The following DLG2 variants were observed in gnomAD, a reference collection of about 807,000 sequenced individuals.
DLG2 encodes the protein discs large MAGUK scaffold protein 2.
In DLG2, 45 loss-of-function variants were observed where a neutral mutation model predicts 132.5. That is an observed-to-expected ratio of 0.34 (90% CI 0.27 to 0.44). The LOEUF (loss-of-function observed/expected upper bound fraction) is 0.44. DLG2 is among the 20% of genes least tolerant of loss of function. The pLI is 1.00. For synonymous variants in DLG2, 424 were observed against 419.6 expected, an observed-to-expected ratio of 1.01 and a Z score of -0.13; for missense variants, 1,045 against 1,196.9, an observed-to-expected ratio of 0.87 and a Z score of 1.87.
In DLG2 at chr11:84,748,831, C is replaced by A. The variant is rs866156442; in HGVS notation, c.358-214100G>T. Among the ~76,000 whole-genome samples, 14 of 152,216 alleles carry A rather than the reference C, an allele frequency of 9.2e-5. No individual in the cohort carries two copies. The South Asian group carries it at 2.9e-3, about 32-fold the overall frequency. ...TGAGAGGTTACACAAAGATTATCTT[C>A]CTTCAGGGAAGCTAGAACAAATTTA... On this transcript the variant is annotated intron_variant, in intron 6 of 27. Transcript: ENST00000376104.
chr11:83,541,878 AG>A lies in DLG2; in HGVS notation c.1941-21del, dbSNP rs1168134562. Reference sequence around the variant, plus strand: ...ATGGCTCTGGAGGAAAGGACAAAAGAGGACATTGTTAGGAATCTCTGGCAGC... The same window carrying A: ...ATGGCTCTGGAGGAAAGGACAAAAGAGACATTGTTAGGAATCTCTGGCAGC... On this transcript the variant is annotated intron_variant, in intron 19 of 27. Coordinates refer to ENST00000376104, the MANE Select transcript of DLG2 (RefSeq NM_001142699.3). 1 of 1,573,576 alleles carries A rather than the reference AG, an allele frequency of 6.4e-7. No individual in the cohort carries two copies. Among genetic ancestry groups the A allele is most frequent in the South Asian group, 1.2e-5 (1 of 84,944 alleles).
At chr11:84,888,140 G>A (rs2088654669) in intron 6 of DLG2, among the ~76,000 whole-genome samples, 1 of 152,032 alleles carries the variant, frequency 6.6e-6, no homozygotes, top group African/African-American at 2.4e-5. Context: ...TATTTTACAT[G>A]TCAACTTGGC....
At chr11:85,001,996 C>CT (rs1354141223) in intron 6 of DLG2, among the ~76,000 whole-genome samples, 1 of 152,134 alleles carries the variant, frequency 6.6e-6, no homozygotes, top group Non-Finnish European at 1.5e-5. Context: ...TGCTGATATC[C>CT]TTTGCCCCAC....
chr11:83,925,280 G>A (rs551630026), intron 15 of DLG2, among the ~76,000 whole-genome samples: 2 of 152,092 alleles, frequency 1.3e-5, no homozygotes, highest in Non-Finnish European at 2.9e-5. Context: ...TTGCTTCTGT[G>A]TACAGGCTAT....
chr11:85,160,481 T>C (rs1034274314), intron 4 of DLG2, among the ~76,000 whole-genome samples: 3 of 152,220 alleles, frequency 2.0e-5, no homozygotes, highest in African/African-American at 4.8e-5. Flanking sequence ...TGGCCTGTTA[T>C]TGGGCTTTAG....
intron 6 of DLG2, among the ~76,000 whole-genome samples, chr11:84,535,965 A>ATATATATATATAT (rs1209865425): frequency 5.3e-5 from 8 of 151,444 alleles, no homozygotes; most frequent in African/African-American, 9.7e-5. Flanking sequence ...ATATATATAT[A>ATATATATATATAT]AAACTTCTAG....
chr11:85,585,218 G>A (rs1056888739), intron 3 of DLG2, among the ~76,000 whole-genome samples: 4 of 152,126 alleles, frequency 2.6e-5, no homozygotes, highest in Non-Finnish European at 4.4e-5. Context: ...TCTTCTACAT[G>A]TGGCTTGCCG....
intron 6 of DLG2, among the ~76,000 whole-genome samples, chr11:84,962,781 G>A (rs74788745): frequency 0.02 from 2,988 of 152,318 alleles, 54 homozygotes; most frequent in Admixed American, 0.042. Flanking sequence ...TAAGTTGAAA[G>A]AATGTGGGAA....
intron 6 of DLG2, among the ~76,000 whole-genome samples, chr11:84,636,723 A>G (rs1424035567): frequency 6.6e-6 from 1 of 152,004 alleles, no homozygotes; most frequent in African/African-American, 2.4e-5. Context: ...GCTCTTTGCT[A>G]TTATAAGGTA....
intron 4 of DLG2, among the ~76,000 whole-genome samples, chr11:85,185,244 C>T (rs1284935000): frequency 6.6e-6 from 1 of 151,970 alleles, no homozygotes; most frequent in Non-Finnish European, 1.5e-5. Flanking sequence ...TTACTCTTCT[C>T]TTAACAAAAT....
At chr11:84,454,878 G>A (rs929637302) in intron 7 of DLG2, among the ~76,000 whole-genome samples, 2 of 151,368 alleles carry the variant, frequency 1.3e-5, no homozygotes, top group Admixed American at 1.3e-4. Flanking sequence ...GAACTTTAGG[G>A]GATGATGGAT....
At chr11:85,569,833 C>G (rs1369752052) in intron 3 of DLG2, among the ~76,000 whole-genome samples, 1 of 152,132 alleles carries the variant, frequency 6.6e-6, no homozygotes, top group Non-Finnish European at 1.5e-5. Context: ...GGAGATTTCT[C>G]AAAGAACTCA....
chr11:84,614,734 A>G (rs1338985603), intron 6 of DLG2, among the ~76,000 whole-genome samples: 1 of 152,086 alleles, frequency 6.6e-6, no homozygotes, highest in African/African-American at 2.4e-5. Flanking sequence ...AGTCATCTTG[A>G]GATTATGGGA....
chr11:84,860,084 A>G (rs2083410559), intron 6 of DLG2, among the ~76,000 whole-genome samples: 1 of 152,164 alleles, frequency 6.6e-6, no homozygotes, highest in Non-Finnish European at 1.5e-5. Context: ...AGGATCTAGC[A>G]CAATGTTTTA....
At chr11:84,763,336 A>G (rs1194812438) in intron 6 of DLG2, 4 of 152,190 alleles carry the variant, frequency 2.6e-5, no homozygotes, top group African/African-American at 7.2e-5. Flanking sequence ...TCTTCATGCT[A>G]ATCAGGCTGG....
At chr11:85,385,116 A>T (rs1041040082) in intron 3 of DLG2, among the ~76,000 whole-genome samples, 2 of 152,102 alleles carry the variant, frequency 1.3e-5, no homozygotes, top group African/African-American at 4.8e-5. Flanking sequence ...CACTTCTACA[A>T]CTCTTTAGCC....
rs1362674510 is a variant in DLG2 at position 85,020,786 on chromosome 11, C to T, written c.357+90875G>A. ...ACCCTGCTATGTGCTTCAAAGTCAT[C>T]CTCTCCTTCCTCAGCCTCTTTTTCA... On this transcript the variant is annotated intron_variant, in intron 6 of 27. Transcript: ENST00000376104. 7.4e-5 allele frequency: 53 copies of T among 713,306 alleles called. No homozygotes were observed. The East Asian group carries it at 1.3e-3, about 18-fold the overall frequency. The allele number at this position is 713,306 out of a possible 1,614,324, so 44.2% of individuals were successfully genotyped here.
At chr11:84,722,737 C>T (rs146246332) in intron 6 of DLG2, among the ~76,000 whole-genome samples, 113 of 152,222 alleles carry the variant, frequency 7.4e-4, no homozygotes, top group African/African-American at 2.5e-3. Flanking sequence ...AAATTCAACA[C>T]GGAAAGACCC....
At chr11:85,006,226 A>T (rs906431223) in intron 6 of DLG2, among the ~76,000 whole-genome samples, 3 of 152,246 alleles carry the variant, frequency 2.0e-5, no homozygotes, top group African/African-American at 4.8e-5. Flanking sequence ...TGCTATCAGG[A>T]TGATGCTGTC....
Sources: allele counts gnomAD v4.1 joint callset (sites outside exome capture counted in the v4.1 genomes callset), GRCh38; gene constraint gnomAD v4.1.1; transcripts MANE v1.5; gene names NCBI Gene and HGNC (gene_info 2026-07-23, HGNC 2026-07-21).